The following KCNK2 variants were observed in gnomAD, a reference collection of about 807,000 sequenced individuals.
The protein encoded by KCNK2 is potassium two pore domain channel subfamily K member 2.
In KCNK2, 21 loss-of-function variants were observed where a neutral mutation model predicts 40.5. The observed-to-expected ratio is 0.52, with a 90% confidence interval of 0.37 to 0.75. KCNK2 has a LOEUF of 0.75. Among genes scored for constraint, KCNK2 ranks in the 30% least tolerant of loss-of-function variants. The probability of loss-of-function intolerance (pLI) is 0.00; values close to 1 mark genes in which losing one functional copy is unlikely to be tolerated. For synonymous variants in KCNK2, 191 were observed against 202.2 expected (o/e 0.94, Z 0.47); for missense variants, 399 against 531.6 (o/e 0.75, Z 2.45).
At chr1:215,107,073 G>C (rs1660468364) in intron 2 of KCNK2, among the ~76,000 whole-genome samples, 3 of 151,506 alleles carry the variant, frequency 2.0e-5, no homozygotes, top group Non-Finnish European at 2.9e-5. Flanking sequence ...TGGCTATTTG[G>C]GATCTTTTTT....
At chr1:215,231,521 C>T (rs777473187) in intron 6 of KCNK2, among the ~76,000 whole-genome samples, 17 of 151,760 alleles carry the variant, frequency 1.1e-4, no homozygotes, top group Admixed American at 7.2e-4. Flanking sequence ...GGGACGATTC[C>T]GTGGTTTCCT....
chr1:215,028,536 G>T (rs1657075781), intron 1 of KCNK2, among the ~76,000 whole-genome samples: 1 of 151,730 alleles, frequency 6.6e-6, no homozygotes, highest in Non-Finnish European at 1.5e-5. Context: ...ACTTTCTCTT[G>T]TTTTGTCATT....
At chr1:215,084,715 TA>T (rs1159987018) in intron 1 of KCNK2, among the ~76,000 whole-genome samples, 1 of 152,234 alleles carries the variant, frequency 6.6e-6, no homozygotes. Context: ...CAGGTGAATG[TA>T]TCAGGAGAGA....
intron 5 of KCNK2, among the ~76,000 whole-genome samples, chr1:215,177,740 A>ATATATATTTT (rs71167812): frequency 0.027 from 2,754 of 101,434 alleles, 66 homozygotes; most frequent in Non-Finnish European, 0.04. Context: ...ATATATATAT[A>ATATATATTTT]TTTTTTTTTT....
intron 6 of KCNK2, among the ~76,000 whole-genome samples, chr1:215,220,658 T>A (rs1666133738): frequency 6.6e-6 from 1 of 152,196 alleles, no homozygotes; most frequent in Non-Finnish European, 1.5e-5. Flanking sequence ...AAAACCATGT[T>A]TTAGTGGACT....
chr1:215,201,733 G>A (rs1003165070), intron 6 of KCNK2, among the ~76,000 whole-genome samples: 2 of 152,082 alleles, frequency 1.3e-5, no homozygotes, highest in Non-Finnish European at 2.9e-5. Flanking sequence ...TGGTGTGTTC[G>A]CTTACTGATC....
At chr1:215,187,848 TTAA>T (rs1664509476) in intron 5 of KCNK2, among the ~76,000 whole-genome samples, 1 of 123,640 alleles carries the variant, frequency 8.1e-6, no homozygotes, top group Admixed American at 7.4e-5. Context: ...TCTCAAAAAT[TTAA>T]AAAAAAAAAA....
intron 1 of KCNK2, among the ~76,000 whole-genome samples, chr1:215,060,734 T>C (rs1213060463): frequency 6.6e-6 from 1 of 152,208 alleles, no homozygotes; most frequent in Non-Finnish European, 1.5e-5. Flanking sequence ...GACTTGGGTG[T>C]TCATTGAATA....
chr1:215,134,020 G>A (rs1464746674), intron 3 of KCNK2, among the ~76,000 whole-genome samples: 1 of 152,138 alleles, frequency 6.6e-6, no homozygotes, highest in African/African-American at 2.4e-5. Flanking sequence ...CCCTCTAGGC[G>A]TAAATATCCC....
chr1:215,174,875 G>A (rs1663883482), intron 5 of KCNK2, among the ~76,000 whole-genome samples: 2 of 152,202 alleles, frequency 1.3e-5, no homozygotes, highest in African/African-American at 2.4e-5. Context: ...GGGCCGAGAC[G>A]ATGGGGTTTT....
intron 3 of KCNK2, among the ~76,000 whole-genome samples, chr1:215,141,708 C>G (rs1420269802): frequency 6.6e-6 from 1 of 151,976 alleles, no homozygotes; most frequent in Non-Finnish European, 1.5e-5. Flanking sequence ...ATAAATTGTT[C>G]TTTATTGTCT....
intron 6 of KCNK2, among the ~76,000 whole-genome samples, chr1:215,218,974 TA>T (rs537781034): frequency 2.6e-5 from 4 of 152,242 alleles, no homozygotes; most frequent in Non-Finnish European, 5.9e-5. Context: ...TAAACATTAA[TA>T]ATAGGAGAAA....
chr1:215,029,763 G>A (rs1368863351), intron 1 of KCNK2, among the ~76,000 whole-genome samples: 1 of 151,656 alleles, frequency 6.6e-6, no homozygotes, highest in Non-Finnish European at 1.5e-5. Flanking sequence ...AATAAAAGAA[G>A]CCAATCTAAA....
chr1:215,023,364 G>A (rs1036252644), intron 1 of KCNK2, among the ~76,000 whole-genome samples: 2 of 152,110 alleles, frequency 1.3e-5, no homozygotes, highest in African/African-American at 4.8e-5. Context: ...TAATCCAGCT[G>A]TGCATAACTG....
chr1:215,026,095 T>C (rs1237599604), intron 1 of KCNK2, among the ~76,000 whole-genome samples: 1 of 152,066 alleles, frequency 6.6e-6, no homozygotes, highest in Non-Finnish European at 1.5e-5. Flanking sequence ...GTTTCCCTGT[T>C]AGTGAATTTA....
At chr1:215,089,835 T>A (rs1048831638) in intron 2 of KCNK2, among the ~76,000 whole-genome samples, 1 of 65,018 alleles carries the variant, frequency 1.5e-5, no homozygotes, top group South Asian at 3.1e-4. Context: ...CTTTTTTTTT[T>A]TTTATTTTGA....
chr1:215,125,977 C>T (rs1661418671), intron 3 of KCNK2, among the ~76,000 whole-genome samples: 1 of 151,542 alleles, frequency 6.6e-6, no homozygotes, highest in Non-Finnish European at 1.5e-5. Flanking sequence ...TTTTTTCTTT[C>T]CACATACCTT....
chr1:215,097,696 T>G (rs1185078257), intron 2 of KCNK2, among the ~76,000 whole-genome samples: 1 of 151,994 alleles, frequency 6.6e-6, no homozygotes, highest in African/African-American at 2.4e-5. Flanking sequence ...ATTGTGAAAG[T>G]GATGGTGTGA....
At chr1:215,224,488 G>A (rs1183493248) in intron 6 of KCNK2, among the ~76,000 whole-genome samples, 2 of 152,078 alleles carry the variant, frequency 1.3e-5, no homozygotes, top group Non-Finnish European at 2.9e-5. Context: ...TTGCAGAGTC[G>A]TTTGGAGGCA....
Sources: gnomAD v4.1 joint callset for allele counts (sites outside exome capture counted in the v4.1 genomes callset) on GRCh38, gnomAD v4.1.1 for gene constraint, MANE v1.5 for transcripts, NCBI Gene and HGNC (gene_info 2026-07-23, HGNC 2026-07-21) for gene names.